Variants in EYS observed in about 807,000 individuals in gnomAD.
EYS encodes the protein EGF-like photoreceptor maintenance factor.
EYS carries 250 observed loss-of-function variants against 282.1 expected under a neutral mutation model. That is an observed-to-expected ratio of 0.89 (90% CI 0.80 to 0.98). The LOEUF (loss-of-function observed/expected upper bound fraction) is 0.98. Ranked by LOEUF, EYS falls within the 50% of genes least tolerant of loss-of-function variation. The pLI, the probability that EYS is intolerant of heterozygous loss-of-function variation, is 0.00. For synonymous variants in EYS, 1,355 were observed against 1,282.9 expected (o/e 1.06, Z -1.20); for missense variants, 4,016 against 3,709.0 (o/e 1.08, Z -2.15).
chr6:64,538,370 A>G (rs1394671699), intron 26 of EYS, among the ~76,000 whole-genome samples: 2 of 152,314 alleles, frequency 1.3e-5, no homozygotes, highest in East Asian at 1.9e-4. Flanking sequence ...TGAATTGATC[A>G]TTGGTATTTT....
At chr6:64,677,902 G>A (rs1364629637) in intron 22 of EYS, among the ~76,000 whole-genome samples, 1 of 150,344 alleles carries the variant, frequency 6.7e-6, no homozygotes, top group Non-Finnish European at 1.5e-5. Flanking sequence ...ATACCTACTA[G>A]GTATACACAA....
At position 64,495,157 on chromosome 6, in the gene EYS, C is replaced by T. The variant is rs561324852; in HGVS notation, c.5645-55805G>A. Among the ~76,000 whole-genome samples, 28 of 151,760 alleles carry T rather than the reference C, an allele frequency of 1.8e-4. 1 individual carries two copies. In the South Asian group the frequency reaches 5.6e-3, roughly 30 times the overall value. On this transcript the variant is annotated intron_variant, in intron 26 of 42. Coordinates refer to ENST00000503581, the MANE Select transcript of EYS (RefSeq NM_001142800.2). ...TAAAGAACAGATTGCCCTACTCACC[C>T]TGGTTGGGGCTAGAGTTGGCCATAT...
At chr6:63,801,913 T>A (rs1255455766) in intron 37 of EYS, among the ~76,000 whole-genome samples, 1 of 152,196 alleles carries the variant, frequency 6.6e-6, no homozygotes, top group African/African-American at 2.4e-5. Flanking sequence ...AGTTATTTTA[T>A]AAACTCTGGG....
chr6:65,040,101 G>T (rs1169433315), intron 13 of EYS, among the ~76,000 whole-genome samples: 1 of 151,592 alleles, frequency 6.6e-6, no homozygotes, highest in Non-Finnish European at 1.5e-5. Flanking sequence ...ATAATTTTTA[G>T]TTGTATGAGA....
At chr6:65,523,015 G>A (rs1320618937) in intron 2 of EYS, among the ~76,000 whole-genome samples, 1 of 151,886 alleles carries the variant, frequency 6.6e-6, no homozygotes, top group Non-Finnish European at 1.5e-5. Flanking sequence ...TATTTTGTGA[G>A]AATTAAATGT....
chr6:65,584,148 A>G (rs781184211), intron 2 of EYS, among the ~76,000 whole-genome samples: 25 of 152,094 alleles, frequency 1.6e-4, no homozygotes, highest in Non-Finnish European at 3.5e-4. Flanking sequence ...ACATTAATTT[A>G]ATAACTCATG....
chr6:65,622,274 C>T (rs1228998101), intron 2 of EYS, among the ~76,000 whole-genome samples: 3 of 152,060 alleles, frequency 2.0e-5, no homozygotes, highest in Non-Finnish European at 2.9e-5. Flanking sequence ...TTCTTTATTT[C>T]TACAGGCTAC....
At chr6:64,092,528 C>G (rs1027568384) in intron 31 of EYS, among the ~76,000 whole-genome samples, 1 of 151,910 alleles carries the variant, frequency 6.6e-6, no homozygotes, top group African/African-American at 2.4e-5. Flanking sequence ...TTTCATGTGT[C>G]TTTTGGCTGC....
chr6:63,742,062 C>T (rs1769089479), intron 41 of EYS: 4 of 681,624 alleles, frequency 5.9e-6, no homozygotes, highest in South Asian at 1.5e-5. Flanking sequence ...GTGGCAGACA[C>T]TCTTTGGATC....
At chr6:65,088,027 C>T (rs1774437354) in intron 12 of EYS, among the ~76,000 whole-genome samples, 1 of 152,152 alleles carries the variant, frequency 6.6e-6, no homozygotes, top group African/African-American at 2.4e-5. Flanking sequence ...CTCCATACTC[C>T]TGTCCTGTGA....
Position 64,066,417 on chromosome 6 carries a change from A to G in EYS, c.6646T>C (p.Cys2216Arg), listed in dbSNP as rs1239231782. Residue 2216 changes from cysteine (C) to arginine (R), a missense_variant, in exon 33 of 43, where the codon TGT (cysteine) becomes CGT (arginine). Coordinates refer to ENST00000503581, the MANE Select transcript of EYS (RefSeq NM_001142800.2). ...VEGRPSVKYG[C>R]GNSQNILTVS... is the part of the protein sequence containing the mutation. ...GTCAAAATATTTTGAGAATTTCCAC[A>G]CCCATATTTAACTGATGGCCTTCCT... 1.9e-6 allele frequency: 3 copies of G among 1,550,088 alleles called. No individual in the cohort carries two copies. The African/African-American group carries it at 4.1e-5, about 21-fold the overall frequency.
In EYS at chr6:63,842,242, C is replaced by T. The variant is rs543434392; in HGVS notation, c.7228+21944G>A. 5.5e-4 allele frequency among the ~76,000 whole-genome samples: 83 copies of T among 152,270 alleles called. No homozygotes were observed. The South Asian group carries it at 6.4e-3, about 12-fold the overall frequency. ...CTCCCACCAACAGTGTAAAAGCATTCCTATTTTTCCACATCCTCTCCAGCA... is the reference window on the plus strand; with the variant it reads ...CTCCCACCAACAGTGTAAAAGCATTTCTATTTTTCCACATCCTCTCCAGCA... On this transcript the variant is annotated intron_variant, in intron 36 of 42. Transcript: ENST00000503581.
At chr6:65,462,600 T>A (rs140677977) in intron 5 of EYS, among the ~76,000 whole-genome samples, 8 of 152,184 alleles carry the variant, frequency 5.3e-5, no homozygotes, top group Admixed American at 4.6e-4. Flanking sequence ...ATTGTGTATG[T>A]CTTTACTACA....
chr6:65,471,151 C>A (rs1311075219), intron 5 of EYS, among the ~76,000 whole-genome samples: 1 of 138,044 alleles, frequency 7.2e-6, no homozygotes, highest in African/African-American at 2.7e-5. Flanking sequence ...AACAAACAAA[C>A]AAAAACGAAA....
At chr6:65,235,922 T>C (rs1766911598) in intron 12 of EYS, among the ~76,000 whole-genome samples, 1 of 152,108 alleles carries the variant, frequency 6.6e-6, no homozygotes, top group African/African-American at 2.4e-5. Context: ...TCTATTATGT[T>C]ACTTAAAATG....
chr6:65,156,582 C>CA (rs1424580080), intron 12 of EYS, among the ~76,000 whole-genome samples: 5 of 151,052 alleles, frequency 3.3e-5, no homozygotes, highest in African/African-American at 4.8e-5. Context: ...TTCCTGAGAA[C>CA]AAATTATCTT....
At chr6:64,231,112 C>A (rs908045943) in intron 30 of EYS, among the ~76,000 whole-genome samples, 2 of 152,114 alleles carry the variant, frequency 1.3e-5, no homozygotes, top group African/African-American at 2.4e-5. Context: ...CCTCCTTTAG[C>A]TGTTACAAAT....
chr6:64,938,073 A>T (rs1768968435), intron 15 of EYS, among the ~76,000 whole-genome samples: 1 of 151,648 alleles, frequency 6.6e-6, no homozygotes, highest in Admixed American at 6.6e-5. Flanking sequence ...GAACAGACAA[A>T]TCCTAGAGAT....
At chr6:64,246,018 C>CAAAAAAAAAAAAAAAAAAAAAAAAAAA (rs60121734) in intron 30 of EYS, among the ~76,000 whole-genome samples, 1 of 56,200 alleles carries the variant, frequency 1.8e-5, no homozygotes, top group African/African-American at 8.2e-5. Flanking sequence ...AACTCCGTCT[C>CAAAAAAAAAAAAAAAAAAAAAAAAAAA]AAAAAAAAAA....
Sources: allele counts gnomAD v4.1 joint callset (sites outside exome capture counted in the v4.1 genomes callset), GRCh38; gene constraint gnomAD v4.1.1; transcripts MANE v1.5; gene names NCBI Gene and HGNC (gene_info 2026-07-23, HGNC 2026-07-21).